Variants in RHBDL2 observed in about 807,000 individuals in gnomAD.
RHBDL2 encodes the protein rhomboid-related protein 2.
A neutral mutation model predicts 31.7 loss-of-function variants in RHBDL2; 26 were observed. The observed-to-expected ratio is 0.82, with a 90% confidence interval of 0.60 to 1.14. The LOEUF (loss-of-function observed/expected upper bound fraction) is 1.14, where lower values mean the gene tolerates loss of function less well. Ranked by LOEUF, RHBDL2 falls within the 50% of genes most tolerant of loss-of-function variation. RHBDL2 has a pLI of 0.00. For missense variants in RHBDL2, 336 were observed against 364.4 expected, an observed-to-expected ratio of 0.92 and a Z score of 0.63; for synonymous variants, 123 against 127.2, an observed-to-expected ratio of 0.97 and a Z score of 0.22.
intron 7 of RHBDL2, 71 bp from the exon 8 acceptor site, chr1:38,886,754 C>G: frequency 8.1e-7 from 1 of 1,227,840 alleles, no homozygotes; most frequent in Non-Finnish European, 1.1e-6. Flanking sequence ...TTGCATCTCT[C>G]TTATTCAAAC....
chr1:38,886,498 G>T lies in RHBDL2; in HGVS notation c.*6C>A. 6.4e-7 allele frequency: 1 copy of T among 1,550,898 alleles called. No homozygotes were observed. Among genetic ancestry groups the T allele is most frequent in the Non-Finnish European group, 8.8e-7 (1 of 1,140,600 alleles). On this transcript the variant is annotated 3_prime_UTR_variant, in exon 8 of 8. Coordinates refer to ENST00000372990, the MANE Select transcript of RHBDL2 (RefSeq NM_017821.5). ...TTTTTATTAATTGACTTACAATAGG[G>T]GCAGGTCAGTTTGCTGGAGATAGGA...
chr1:38,918,381 C>T (rs994685185), intron 2 of RHBDL2, among the ~76,000 whole-genome samples: 20 of 152,074 alleles, frequency 1.3e-4, no homozygotes, highest in African/African-American at 4.6e-4. Context: ...CCACGAGGTA[C>T]AGGGGAGCCT....
In RHBDL2 at chr1:38,891,260, CA is replaced by C. The variant is rs11445131; in HGVS notation, c.670+1903del. On this transcript the variant is annotated intron_variant, in intron 6 of 7. Transcript: ENST00000372990. The stretch of plus-strand genomic sequence containing the variant: ...TGGGCAACAGAGCGAGACTCCGTCT[CA>C]AAAAAAAAAAAAAAAAAAAAGAAGA... 5.8e-3 allele frequency among the ~76,000 whole-genome samples: 462 copies of C among 79,260 alleles called. 4 individuals are homozygous for C. Among genetic ancestry groups the C allele is most frequent in the African/African-American group, 0.023 (413 of 18,296 alleles). The allele number at this position is 79,260 out of a possible 152,430, so 52.0% of individuals were successfully genotyped here.
chr1:38,888,102 A>C, intron 6 of RHBDL2, 78 bp from the exon 7 acceptor site: 1 of 864,194 alleles, frequency 1.2e-6, no homozygotes, highest in Non-Finnish European at 1.9e-6. Flanking sequence ...CCCTCTAATA[A>C]TAATAATACT....
Position 38,938,000 on chromosome 1 carries a change from G to A in RHBDL2, c.-126+3682C>T, listed in dbSNP as rs113123090. Reference sequence around the variant, plus strand: ...AGCCTCACTTCTGAAATGCAAATCAGGTAGTGTCATTCTCATTGCTAATTT... The same window carrying A: ...AGCCTCACTTCTGAAATGCAAATCAAGTAGTGTCATTCTCATTGCTAATTT... On this transcript the variant is annotated intron_variant, in intron 1 of 7. Transcript: ENST00000372990. 6.6e-3 allele frequency among the ~76,000 whole-genome samples: 993 copies of A among 151,334 alleles called. 7 individuals are homozygous for A. The highest frequency in any genetic ancestry group is 0.014 in the Admixed American group (214 of 15,202).
At chr1:38,901,472 A>AAAAG (rs550409628) in intron 4 of RHBDL2, among the ~76,000 whole-genome samples, 38 of 151,416 alleles carry the variant, frequency 2.5e-4, no homozygotes, top group Middle Eastern at 3.4e-3. Context: ...AAAAAAAAAA[A>AAAAG]AAAGAAAGAA....
intron 1 of RHBDL2, among the ~76,000 whole-genome samples, chr1:38,921,936 TATC>T (rs775085492): frequency 3.2e-4 from 49 of 152,216 alleles, no homozygotes; most frequent in Non-Finnish European, 7.1e-4. Flanking sequence ...TGTATCTAAA[TATC>T]ATACATAATC....
At chr1:38,916,265 T>C (rs1290650086) in intron 2 of RHBDL2, among the ~76,000 whole-genome samples, 1 of 152,124 alleles carries the variant, frequency 6.6e-6, no homozygotes, top group Non-Finnish European at 1.5e-5. Context: ...GGTATTCTTC[T>C]CCCAAACTCA....
intron 4 of RHBDL2, among the ~76,000 whole-genome samples, chr1:38,907,131 G>A (rs1382360621): frequency 1.3e-5 from 2 of 152,198 alleles, no homozygotes; most frequent in Non-Finnish European, 2.9e-5. Context: ...TTATAATGGT[G>A]TAAAAGCAAT....
intron 5 of RHBDL2, among the ~76,000 whole-genome samples, chr1:38,895,756 T>A (rs1439233654): frequency 6.6e-6 from 1 of 151,954 alleles, no homozygotes; most frequent in East Asian, 1.9e-4. Flanking sequence ...TGAGCCATTA[T>A]CACACCACTG....
At position 38,911,653 on chromosome 1, in the gene RHBDL2, C is replaced by A. The variant is rs549272897; in HGVS notation, c.396-219G>T. Among the ~76,000 whole-genome samples, 4 of 145,364 alleles carry A rather than the reference C, an allele frequency of 2.8e-5. No homozygotes were observed. The East Asian group carries it at 6.0e-4, about 22-fold the overall frequency. Reference sequence around the variant, plus strand: ...GTGTGTGTGTGTGTGTGTGCGCGCGCGCGCGCGTGTGTGACTTGCTGTGTC... The same window carrying A: ...GTGTGTGTGTGTGTGTGTGCGCGCGAGCGCGCGTGTGTGACTTGCTGTGTC... On this transcript the variant is annotated intron_variant, in intron 3 of 7. Transcript: ENST00000372990.
intron 5 of RHBDL2, among the ~76,000 whole-genome samples, chr1:38,894,136 A>G (rs965112956): frequency 2.0e-5 from 3 of 152,210 alleles, no homozygotes; most frequent in Non-Finnish European, 2.9e-5. Flanking sequence ...CAGTACACGC[A>G]TAAATCAAAC....
chr1:38,938,262 G>A (rs907310514), intron 1 of RHBDL2, among the ~76,000 whole-genome samples: 4 of 151,866 alleles, frequency 2.6e-5, no homozygotes, highest in East Asian at 1.9e-4. Flanking sequence ...TGATCCGCCC[G>A]CCTCGGCCTC....
chr1:38,937,034 G>A (rs143956117), intron 1 of RHBDL2, among the ~76,000 whole-genome samples: 2,058 of 150,514 alleles, frequency 0.014, 51 homozygotes, highest in African/African-American at 0.044. Flanking sequence ...TGCATGCTCC[G>A]CCTCCCGGGT....
At chr1:38,895,495 GAAAA>G (rs575910833) in intron 5 of RHBDL2, among the ~76,000 whole-genome samples, 1 of 151,664 alleles carries the variant, frequency 6.6e-6, no homozygotes, top group Non-Finnish European at 1.5e-5. Flanking sequence ...TTTGAAATGA[GAAAA>G]AAAATGATAA....
chr1:38,916,798 A>G (rs1350753191), intron 2 of RHBDL2, among the ~76,000 whole-genome samples: 1 of 150,266 alleles, frequency 6.7e-6, no homozygotes, highest in African/African-American at 2.4e-5. Context: ...TTGACCCTGG[A>G]CAGCGGAGGT....
At chr1:38,938,058 C>T (rs1643528468) in intron 1 of RHBDL2, among the ~76,000 whole-genome samples, 1 of 151,830 alleles carries the variant, frequency 6.6e-6, no homozygotes, top group Non-Finnish European at 1.5e-5. Flanking sequence ...CACTCTGTTG[C>T]CCAGGCTGGA....
intron 1 of RHBDL2, among the ~76,000 whole-genome samples, chr1:38,934,683 C>T (rs892117513): frequency 2.1e-5 from 3 of 140,132 alleles, no homozygotes; most frequent in South Asian, 2.2e-4. Context: ...AATGGCTGGG[C>T]GCGGTGGCTC....
intron 4 of RHBDL2, among the ~76,000 whole-genome samples, chr1:38,904,159 T>C (rs761209750): frequency 6.6e-6 from 1 of 152,140 alleles, no homozygotes; most frequent in Admixed American, 6.6e-5. Flanking sequence ...ATCTTGGTGA[T>C]TTTGTGTTAG....
Sources: allele counts gnomAD v4.1 joint callset (sites outside exome capture counted in the v4.1 genomes callset), GRCh38; gene constraint gnomAD v4.1.1; transcripts MANE v1.5; gene names NCBI Gene and HGNC (gene_info 2026-07-23, HGNC 2026-07-21).